Variants in AP3D1 observed in about 807,000 individuals in gnomAD.
AP3D1 encodes the protein AP-3 complex subunit delta-1.
In AP3D1, 51 loss-of-function variants were observed where a neutral mutation model predicts 147.6. The observed-to-expected ratio is 0.35, with a 90% confidence interval of 0.28 to 0.44. AP3D1 has a LOEUF of 0.44. AP3D1 is among the 20% of genes least tolerant of loss of function. The pLI is 1.00. For synonymous variants in AP3D1, 760 were observed against 663.0 expected (o/e 1.15, Z -2.25); for missense variants, 1,421 against 1,624.2 (o/e 0.87, Z 2.15).
intron 1 of AP3D1, among the ~76,000 whole-genome samples, chr19:2,144,170 A>C (rs1275473013): frequency 5.9e-5 from 9 of 152,194 alleles, no homozygotes; most frequent in Admixed American, 4.6e-4. Flanking sequence ...CATCCTGCCC[A>C]GGATAAGTTA....
chr19:2,109,321 C>G, intron 29 of AP3D1, 114 bp from the exon 30 acceptor site: 1 of 1,406,216 alleles, frequency 7.1e-7, no homozygotes. Flanking sequence ...TCCTGTGTGT[C>G]TGGGCCGGGA....
At chr19:2,163,727 G>A (rs1022128492) in intron 1 of AP3D1, among the ~76,000 whole-genome samples, 1 of 151,966 alleles carries the variant, frequency 6.6e-6, no homozygotes, top group Non-Finnish European at 1.5e-5. Context: ...CGGCGAGTGG[G>A]GGAAGGGGTC....
Position 2,116,666 on chromosome 19 carries a change from T to C in AP3D1, c.1940A>G (p.Glu647Gly). 2 of 1,607,714 alleles carry C rather than the reference T, an allele frequency of 1.2e-6. No homozygotes were observed. The highest frequency in any genetic ancestry group is 8.5e-7 in the Non-Finnish European group (1 of 1,177,442). Residue 647 changes from glutamate (E) to glycine (G), a missense_variant, in exon 17 of 32, where the codon GAG becomes GGG. Glu to Gly is a moderately conservative substitution (Grantham distance 98). Coordinates refer to ENST00000643116, the MANE Select transcript of AP3D1 (RefSeq NM_001261826.3). ...EDERPRAVFH[E>G]EEQRRPKHRP... ...GTGCTTGGGACGCCGCTGCTCCTCC[T>C]CGTGGAAGACGGCCCTGGGCCTCTC...
At chr19:2,108,547 G>A in intron 31 of AP3D1, 140 bp downstream of exon 31, 1 of 735,568 alleles carries the variant, frequency 1.4e-6, no homozygotes, top group South Asian at 1.8e-5. Flanking sequence ...TGGCACAGGT[G>A]AGGGGCTCAT....
intron 29 of AP3D1, 124 bp downstream of exon 29, chr19:2,109,749 A>G (rs1041871794): frequency 4.0e-5 from 37 of 922,174 alleles, no homozygotes; most frequent in Non-Finnish European, 6.2e-5. Context: ...GTCACGAGCC[A>G]GCGCCTCCAA....
intron 18 of AP3D1, 101 bp from the exon 19 acceptor site, chr19:2,115,714 T>C (rs2018427398): frequency 7.8e-6 from 10 of 1,279,812 alleles, no homozygotes; most frequent in Non-Finnish European, 9.7e-6. Flanking sequence ...CCCAACATCC[T>C]AAGGAGCTGG....
chr19:2,156,549 C>T (rs970110012), upstream of AP3D1, among the ~76,000 whole-genome samples: 1 of 146,346 alleles, frequency 6.8e-6, no homozygotes, highest in Non-Finnish European at 1.5e-5. Context: ...CAATCAACAA[C>T]GTTTATTGAA....
At chr19:2,142,019 T>C (rs970125934) in intron 1 of AP3D1, among the ~76,000 whole-genome samples, 2 of 150,932 alleles carry the variant, frequency 1.3e-5, no homozygotes, top group Non-Finnish European at 2.9e-5. Flanking sequence ...TTTATTTATA[T>C]ATATATATGT....
intron 8 of AP3D1, among the ~76,000 whole-genome samples, chr19:2,127,905 G>T (rs766497037): frequency 6.6e-6 from 1 of 152,240 alleles, no homozygotes; most frequent in Non-Finnish European, 1.5e-5. Flanking sequence ...ACAGTCACCT[G>T]CAGCGTAGGG....
At chr19:2,113,517 C>T (rs575941122) in intron 22 of AP3D1, 104 bp from the exon 23 acceptor site, 1 of 658,728 alleles carries the variant, frequency 1.5e-6, no homozygotes, top group Non-Finnish European at 2.4e-6. Context: ...TCGCTGCCCC[C>T]AGGGTCCTGG....
chr19:2,116,295 G>A lies in AP3D1; in HGVS notation c.2002-17C>T, dbSNP rs370363697. 2.9e-5 allele frequency: 46 copies of A among 1,613,034 alleles called. 1 individual carries two copies. In the African/African-American group the frequency reaches 4.5e-4, roughly 16 times the overall value. On this transcript the variant is annotated splice_polypyrimidine_tract_variant and intron_variant, in intron 17 of 31. Coordinates refer to ENST00000643116, the MANE Select transcript of AP3D1 (RefSeq NM_001261826.3). ...CTCTCGGCGCTGTGGGACACAGCTT[G>A]GCATGAGCCCGAGAGAAGCGGGCAG...
rs554165719 is a variant in AP3D1 at position 2,112,991 on chromosome 19, C to T, written c.2680-24G>A. 6.7e-5 allele frequency: 106 copies of T among 1,584,548 alleles called. 4 individuals are homozygous for T. The South Asian group carries it at 1.1e-3, about 17-fold the overall frequency. Reference sequence around the variant, plus strand: ...CCCTGCAGGGAGCCAGGGCTTGGGGCTCATGCTGGGCAATGAGGGGCCCCA... The same window carrying T: ...CCCTGCAGGGAGCCAGGGCTTGGGGTTCATGCTGGGCAATGAGGGGCCCCA... On this transcript the variant is annotated intron_variant, in intron 23 of 31. Transcript: ENST00000643116.
intron 4 of AP3D1, among the ~76,000 whole-genome samples, chr19:2,135,550 C>G (rs1354389824): frequency 6.6e-6 from 1 of 152,152 alleles, no homozygotes; most frequent in Admixed American, 6.5e-5. Flanking sequence ...CAAAACAAAA[C>G]AAAACAAACA....
intron 1 of AP3D1, among the ~76,000 whole-genome samples, chr19:2,140,418 C>T (rs1265051584): frequency 2.6e-5 from 4 of 152,210 alleles, no homozygotes; most frequent in African/African-American, 4.8e-5. Context: ...ACAGCCCCCA[C>T]GCTCGCCGCT....
Position 2,137,754 on chromosome 19 carries a change from C to CA in AP3D1, c.245dup (p.Met83AspfsTer36). ...TGAAGGTGAACTTGGAGGCACTCAT[C>CA]ACTTCTATGATGTTGAAGGCGGCCC... On this transcript the variant is annotated frameshift_variant, in exon 3 of 32. Transcript: ENST00000643116. LOFTEE classifies it high-confidence loss of function. The CA allele has an allele frequency of 1.2e-6, 2 of 1,614,048 alleles. No individual in the cohort carries two copies.
At chr19:2,148,149 A>G (rs2019410564) in intron 1 of AP3D1, among the ~76,000 whole-genome samples, 1 of 149,266 alleles carries the variant, frequency 6.7e-6, no homozygotes. Flanking sequence ...TCCGTCTCAA[A>G]AAAAAAAAAA....
chr19:2,147,031 G>A (rs1487945773), intron 1 of AP3D1, among the ~76,000 whole-genome samples: 4 of 152,192 alleles, frequency 2.6e-5, no homozygotes, highest in East Asian at 1.9e-4. Context: ...AATGACTGAC[G>A]TTATTAAAAG....
upstream of AP3D1, among the ~76,000 whole-genome samples, chr19:2,155,036 C>T (rs1199251737): frequency 6.6e-6 from 1 of 151,954 alleles, no homozygotes; most frequent in Admixed American, 6.6e-5. Context: ...AAAAATTAGC[C>T]GGGCGTGGTG....
chr19:2,121,626 G>T, intron 12 of AP3D1, 108 bp downstream of exon 12: 2 of 1,406,772 alleles, frequency 1.4e-6, no homozygotes, highest in Non-Finnish European at 1.9e-6. Context: ...CTAACTGATG[G>T]CCGAGTGTGA....
Sources: gnomAD v4.1 joint callset for allele counts (sites outside exome capture counted in the v4.1 genomes callset) on GRCh38, gnomAD v4.1.1 for gene constraint, MANE v1.5 for transcripts, NCBI Gene and HGNC (gene_info 2026-07-23, HGNC 2026-07-21) for gene names.